ITPRIP: variants seen among roughly 807,000 people sequenced by gnomAD.
ITPRIP encodes the protein inositol 1,4,5-trisphosphate receptor interacting protein, also known as inositol 1,4,5-trisphosphate receptor-interacting protein.
In ITPRIP, 32 loss-of-function variants were observed where a neutral mutation model predicts 35.8. That is an observed-to-expected ratio of 0.89 (90% CI 0.68 to 1.20). ITPRIP has a LOEUF of 1.20. ITPRIP is among the 50% of genes most tolerant of loss of function. The pLI is 0.00. For synonymous variants in ITPRIP, 358 were observed against 324.0 expected, an observed-to-expected ratio of 1.11 and a Z score of -1.13; for missense variants, 653 against 735.6, an observed-to-expected ratio of 0.89 and a Z score of 1.30.
rs1305332003 is a variant in ITPRIP at position 104,328,114 on chromosome 10, C to T, written c.-14+10132G>A. The T allele has an allele frequency of 7.3e-6, 4 of 549,042 alleles. No individual in the cohort carries two copies. The highest frequency in any genetic ancestry group is 7.9e-5 in the South Asian group (1 of 12,632). 34.0% of individuals were successfully genotyped at this position (549,042 alleles called of 1,614,324 possible). ...CACAAGACAGTTCCCCACAAATGCCCACCACTTGCAGGAAGGATGCCTCTC... is the reference window on the plus strand; with the variant it reads ...CACAAGACAGTTCCCCACAAATGCCTACCACTTGCAGGAAGGATGCCTCTC... On this transcript the variant is annotated intron_variant, in intron 1 of 1. Transcript: ENST00000337478. The surrounding 1 kb of genome is among the most constrained non-coding windows in gnomAD (Gnocchi z 4.1).
Position 104,315,303 on chromosome 10 carries a change from C to G in ITPRIP, c.749G>C (p.Gly250Ala). ...GCCGCAGATGCAGCTCAATGTGTCC[C>G]CATCGGCGCGGACCACCTTGATCTG... ...YGQIKVVRAD[G>A]DTLSCICGKT... Residue 250 changes from glycine (G) to alanine (A), a missense_variant, in exon 2 of 2, where the codon GGG becomes GCG. Gly to Ala is a moderately conservative substitution (Grantham distance 60). Coordinates refer to ENST00000337478, the MANE Select transcript of ITPRIP (RefSeq NM_001272013.2). The surrounding 1 kb of genome is among the most constrained non-coding windows in gnomAD (Gnocchi z 5.7). 1 of 1,585,288 alleles carries G rather than the reference C, an allele frequency of 6.3e-7. No individual in the cohort carries two copies. The highest frequency in any genetic ancestry group is 8.6e-7 in the Non-Finnish European group (1 of 1,163,134).
At chr10:104,338,084 G>T (rs1221195506) in intron 1 of ITPRIP, among the ~76,000 whole-genome samples, 162 bp downstream of exon 1, 1 of 152,170 alleles carries the variant, frequency 6.6e-6, no homozygotes, top group Non-Finnish European at 1.5e-5. Flanking sequence ...AAGGGAAGGG[G>T]GTCTCCAAAG....
Position 104,315,142 on chromosome 10 carries a change from A to G in ITPRIP, c.910T>C (p.Phe304Leu). ...YLDTMQVMKW[F>L]QTALTRAWKG... ...CAGGCTCTGGTGAGGGCCGTCTGGA[A>G]CCACTTCATGACCTGCATCGTGTCC... The change falls in exon 2 of 2, where the codon TTC becomes CTC. Residue 304 changes from phenylalanine (F) to leucine (L), a missense_variant. Transcript: ENST00000337478. The surrounding 1 kb of genome is among the most constrained non-coding windows in gnomAD (Gnocchi z 5.7). 6.2e-7 allele frequency: 1 copy of G among 1,613,974 alleles called. No homozygotes were observed. The highest frequency in any genetic ancestry group is 8.5e-7 in the Non-Finnish European group (1 of 1,179,892).
At chr10:104,321,944 A>G (rs7072534) in intron 1 of ITPRIP, among the ~76,000 whole-genome samples, 42,140 of 151,928 alleles carry the variant, frequency 0.28, 6,028 homozygotes, top group Middle Eastern at 0.33. Context: ...TGGATGCTTC[A>G]GGGCCTGCAG....
At position 104,315,629 on chromosome 10, in the gene ITPRIP, C is replaced by T. The variant is rs1208097588; in HGVS notation, c.423G>A (p.Thr141=). ...TGCAGCGCTCATAAAAGTGGCCAAG[C>T]GTGGCCTTGTTGGGCAGGGTGAGGC... The part of the protein sequence containing the change: ...LQGLTLPNKA[T]LGHFYERCIR... Residue 141 remains threonine, a synonymous_variant, in exon 2 of 2, where the codon ACG becomes ACA. Coordinates refer to ENST00000337478, the MANE Select transcript of ITPRIP (RefSeq NM_001272013.2). This position sits in a 1 kb window ranked among gnomAD's most constrained non-coding sequence, Gnocchi z 5.7. The T allele has an allele frequency of 6.2e-6, 10 of 1,612,578 alleles. No individual in the cohort carries two copies. The highest frequency in any genetic ancestry group is 3.3e-5 in the Admixed American group (2 of 60,000).
intron 1 of ITPRIP, among the ~76,000 whole-genome samples, chr10:104,329,801 TCA>T (rs2014111740): frequency 1.3e-5 from 2 of 152,266 alleles, no homozygotes; most frequent in Non-Finnish European, 1.5e-5. Context: ...GTGGACCATC[TCA>T]CAGTCACTCG....
rs559849761 is a variant in ITPRIP at position 104,328,219 on chromosome 10, C to G, written c.-14+10027G>C. The G allele has an allele frequency of 1.0e-6, 1 of 985,286 alleles. No individual in the cohort carries two copies. Among genetic ancestry groups the G allele is most frequent in the Non-Finnish European group, 1.2e-6 (1 of 829,792 alleles). The allele number at this position is 985,286 out of a possible 1,614,324, so 61.0% of individuals were successfully genotyped here. The stretch of plus-strand genomic sequence containing the variant: ...GGTTTCTATGCGTGAATCACAGTGA[C>G]AGCAATGCGCCCTCACCACTTCCCG... On this transcript the variant is annotated intron_variant, in intron 1 of 1. Transcript: ENST00000337478. This position sits in a 1 kb window ranked among gnomAD's most constrained non-coding sequence, Gnocchi z 4.1.
At chr10:104,322,248 G>A (rs1225809565) in intron 1 of ITPRIP, among the ~76,000 whole-genome samples, 1 of 152,084 alleles carries the variant, frequency 6.6e-6, no homozygotes. Context: ...AACCAACCAG[G>A]AACAGTAGGA....
chr10:104,321,121 C>T (rs1288086356), intron 1 of ITPRIP, among the ~76,000 whole-genome samples: 1 of 152,150 alleles, frequency 6.6e-6, no homozygotes, highest in Non-Finnish European at 1.5e-5. Context: ...CAAAGAGTCC[C>T]CTACTCCCAA....
chr10:104,335,416 T>G (rs1306201720), intron 1 of ITPRIP, among the ~76,000 whole-genome samples: 1 of 152,198 alleles, frequency 6.6e-6, no homozygotes, highest in Non-Finnish European at 1.5e-5. Context: ...ACTCGCTCTC[T>G]GCCTAGGTCA....
Position 104,313,454 on chromosome 10 carries a change from G to A in ITPRIP, c.*954C>T, listed in dbSNP as rs1014001074. On this transcript the variant is annotated 3_prime_UTR_variant, in exon 2 of 2. Transcript: ENST00000337478. ...CCTCAGGTGCCTTGTGGTTGCCAATGAAGAAGTGATAGAGTTTCTTTTCCA... is the reference window on the plus strand; with the variant it reads ...CCTCAGGTGCCTTGTGGTTGCCAATAAAGAAGTGATAGAGTTTCTTTTCCA... 14 of 985,768 alleles carry A rather than the reference G, an allele frequency of 1.4e-5. No individual in the cohort carries two copies. The African/African-American group carries it at 2.4e-4, about 17-fold the overall frequency. The allele number at this position is 985,768 out of a possible 1,614,324, so 61.1% of individuals were successfully genotyped here.
rs368490614 is a variant in ITPRIP at position 104,334,550 on chromosome 10, G to C, written c.-14+3696C>G. The stretch of plus-strand genomic sequence containing the variant: ...ATGCTTGCAAAGCACTAAACAAATA[G>C]GTAAATAAAATAAAAAATTACTACA... On this transcript the variant is annotated intron_variant, in intron 1 of 1. Coordinates refer to ENST00000337478, the MANE Select transcript of ITPRIP (RefSeq NM_001272013.2). 1.8e-4 allele frequency among the ~76,000 whole-genome samples: 28 copies of C among 152,280 alleles called. 1 individual carries two copies. The East Asian group carries it at 4.1e-3, about 22-fold the overall frequency.
intron 1 of ITPRIP, among the ~76,000 whole-genome samples, chr10:104,335,932 GA>G (rs55637963): frequency 1.8e-3 from 265 of 144,176 alleles, no homozygotes; most frequent in Middle Eastern, 3.6e-3. Flanking sequence ...TACTTTTGGG[GA>G]AAAAAAAAAA....
intron 1 of ITPRIP, among the ~76,000 whole-genome samples, chr10:104,331,830 G>A (rs2014156605): frequency 6.6e-6 from 1 of 152,184 alleles, no homozygotes; most frequent in South Asian, 2.1e-4. Flanking sequence ...CTTGGCAGAA[G>A]GAGTCTCCAA....
rs754958252 is a variant in ITPRIP at position 104,315,131 on chromosome 10, G to A, written c.921C>T (p.Ala307=). The A allele has an allele frequency of 3.7e-6, 6 of 1,614,110 alleles. No homozygotes were observed. Among genetic ancestry groups the A allele is most frequent in the Non-Finnish European group, 5.1e-6 (6 of 1,179,958 alleles). The change falls in exon 2 of 2, where the codon GCC becomes GCT. Residue 307 remains alanine, a synonymous_variant. Transcript: ENST00000337478. This position sits in a 1 kb window ranked among gnomAD's most constrained non-coding sequence, Gnocchi z 5.7. ...CGATGCCCTTCCAGGCTCTGGTGAG[G>A]GCCGTCTGGAACCACTTCATGACCT... ...TMQVMKWFQT[A]LTRAWKGIAH... is the part of the protein sequence containing the mutation.
chr10:104,336,494 T>TTG lies in ITPRIP; in HGVS notation c.-14+1751_-14+1752insCA, dbSNP rs1491360945. 5.6e-3 allele frequency among the ~76,000 whole-genome samples: 421 copies of TTG among 74,616 alleles called. 10 individuals carry two copies. The highest frequency in any genetic ancestry group is 0.016 in the African/African-American group (397 of 24,534). The allele number at this position is 74,616 out of a possible 152,430, so 49.0% of individuals were successfully genotyped here. A position where few individuals can be genotyped will look rare whatever the true frequency, so the allele number is the denominator to read the frequency against. The stretch of plus-strand genomic sequence containing the variant: ...CTTCTCCTGCCCAGTTATTTTTTTT[T>TTG]GGGGGGGGGGGGGCAGCGGGGCATT... On this transcript the variant is annotated intron_variant, in intron 1 of 1. Coordinates refer to ENST00000337478, the MANE Select transcript of ITPRIP (RefSeq NM_001272013.2).
At chr10:104,324,790 TC>T (rs1450249007) in intron 1 of ITPRIP, among the ~76,000 whole-genome samples, 1 of 151,844 alleles carries the variant, frequency 6.6e-6, no homozygotes, top group Non-Finnish European at 1.5e-5. Context: ...AAGGGGCGAG[TC>T]CCCACGCCAC....
At position 104,312,255 on chromosome 10, in the gene ITPRIP, C is replaced by T. The variant is rs761970517; in HGVS notation, c.*2153G>A. On this transcript the variant is annotated 3_prime_UTR_variant, in exon 2 of 2. Coordinates refer to ENST00000337478, the MANE Select transcript of ITPRIP (RefSeq NM_001272013.2). ...GCAGAAAAGATTCCCGTTTCCCCAC[C>T]GAGTTCTGTTGTCTCTGTACACACA... is the stretch of plus-strand genomic sequence containing the variant. 1.3e-5 allele frequency: 2 copies of T among 152,552 alleles called. No homozygotes were observed. Among genetic ancestry groups the T allele is most frequent in the Admixed American group, 6.5e-5 (1 of 15,286 alleles). 9.4% of individuals were successfully genotyped at this position (152,552 alleles called of 1,614,324 possible). A position where few individuals can be genotyped will look rare whatever the true frequency, so the allele number is the denominator to read the frequency against.
chr10:104,325,269 G>A (rs1361451025), intron 1 of ITPRIP, among the ~76,000 whole-genome samples: 5 of 151,818 alleles, frequency 3.3e-5, no homozygotes, highest in Admixed American at 3.3e-4. Context: ...CCCAGAGCCT[G>A]TGGGCTCTGG....
Sources: gnomAD v4.1 joint callset for allele counts (sites outside exome capture counted in the v4.1 genomes callset) on GRCh38, gnomAD v4.1.1 for gene constraint, Gnocchi (gnomAD v3.1) non-coding constraint, MANE v1.5 for transcripts, NCBI Gene and HGNC (gene_info 2026-07-23, HGNC 2026-07-21) for gene names.